DNAH2: variants seen among roughly 807,000 people sequenced by gnomAD.
The protein encoded by DNAH2 is axonemal beta dynein heavy chain 2.
In DNAH2, 323 loss-of-function variants were observed where a neutral mutation model predicts 523.5. The ratio of observed to expected loss-of-function variants is 0.62; its 90% confidence interval spans 0.56 to 0.68. The LOEUF (loss-of-function observed/expected upper bound fraction) is 0.68, where lower values mean the gene tolerates loss of function less well. Ranked by LOEUF, DNAH2 falls within the 30% of genes least tolerant of loss-of-function variation. The pLI, the probability that DNAH2 is intolerant of heterozygous loss-of-function variation, is 0.00. For synonymous variants in DNAH2, 2,093 were observed against 2,177.4 expected, an observed-to-expected ratio of 0.96 and a Z score of 1.08; for missense variants, 4,907 against 5,701.5, an observed-to-expected ratio of 0.86 and a Z score of 4.49.
chr17:7,810,977 C>T (rs190946644), intron 63 of DNAH2, among the ~76,000 whole-genome samples: 27 of 152,282 alleles, frequency 1.8e-4, no homozygotes, highest in African/African-American at 5.3e-4. Context: ...AAACCAGTGG[C>T]GTAGATAGGG....
intron 65 of DNAH2, 21 bp from the exon 66 acceptor site, chr17:7,817,540 A>T (rs872345): frequency 0.2 from 320,292 of 1,613,560 alleles, 33,390 homozygotes; most frequent in South Asian, 0.32. Context: ...AAGTTAAAGC[A>T]TGGGGCTTTT....
At chr17:7,737,009 G>C in intron 7 of DNAH2, 58 bp from the exon 8 acceptor site, 5 of 1,399,312 alleles carry the variant, frequency 3.6e-6, no homozygotes, top group Non-Finnish European at 5.0e-6. Flanking sequence ...AAAAGCACTT[G>C]TGTTGAATCA....
rs1453951691 is a variant in DNAH2 at position 7,754,497 on chromosome 17, C to T, written c.1905-2594C>T. The T allele has an allele frequency of 3.8e-6, 3 of 791,814 alleles. No homozygotes were observed. The highest frequency in any genetic ancestry group is 6.3e-6 in the Non-Finnish European group (3 of 479,280). 49.0% of individuals were successfully genotyped at this position (791,814 alleles called of 1,614,324 possible). On this transcript the variant is annotated intron_variant, in intron 12 of 85. Coordinates refer to ENST00000572933, the MANE Select transcript of DNAH2 (RefSeq NM_020877.5). The surrounding 1 kb of genome is among the most constrained non-coding windows in gnomAD (Gnocchi z 4.6). Reference sequence around the variant, plus strand: ...ACAAATCTCTTAAGGGGGTGGACTCCAAGTTCCTGAGGAACATGCGCTTTG... The same window carrying T: ...ACAAATCTCTTAAGGGGGTGGACTCTAAGTTCCTGAGGAACATGCGCTTTG...
chr17:7,818,499 G>A lies in DNAH2; in HGVS notation c.10536+39G>A, dbSNP rs375289316. 2.4e-5 allele frequency: 39 copies of A among 1,610,332 alleles called. No homozygotes were observed. In the African/African-American group the frequency reaches 3.5e-4, roughly 14 times the overall value. On this transcript the variant is annotated intron_variant, in intron 69 of 85. Transcript: ENST00000572933. ...GAGGTCCAGACTGAGCTAGGGTGAA[G>A]CAGGAAGAGTTTGGAAGGATTGAGA...
At position 7,739,800 on chromosome 17, in the gene DNAH2, T is replaced by C. The variant is rs1241789309; in HGVS notation, c.1238T>C (p.Phe413Ser). Residue 413 changes from phenylalanine to serine, a missense_variant, in exon 9 of 86, where the codon TTT becomes TCT. Coordinates refer to ENST00000572933, the MANE Select transcript of DNAH2 (RefSeq NM_020877.5). ...AAGCAGGGTCCCCTTCCTTGCTTCT[T>C]TGGTGCCCAGGGGCCACAGATAACA... ...DGKQGPLPCF[F>S]GAQGPQITRN... The C allele has an allele frequency of 6.2e-7, 1 of 1,614,040 alleles. No individual in the cohort carries two copies. The highest frequency in any genetic ancestry group is 2.2e-5 in the East Asian group (1 of 44,862).
intron 50 of DNAH2, 66 bp downstream of exon 50, chr17:7,796,718 A>G (rs1035907939): frequency 7.2e-6 from 11 of 1,534,586 alleles, no homozygotes; most frequent in Non-Finnish European, 1.8e-6. Context: ...TCTCTTCTCA[A>G]ACTAAGCCTT....
At chr17:7,748,104 G>T (rs1242880942) in intron 12 of DNAH2, among the ~76,000 whole-genome samples, 3 of 152,164 alleles carry the variant, frequency 2.0e-5, no homozygotes, top group African/African-American at 4.8e-5. Context: ...AAGGGGTTTT[G>T]GTATCCCACC....
At chr17:7,777,977 C>A in intron 33 of DNAH2, 100 bp from the exon 34 acceptor site, 2 of 1,128,282 alleles carry the variant, frequency 1.8e-6, no homozygotes, top group Non-Finnish European at 2.6e-6. Context: ...CCCTTCACTG[C>A]AGCCTCCCTG....
At position 7,759,592 on chromosome 17, in the gene DNAH2, G is replaced by T. The variant is rs1427723624; in HGVS notation, c.2619G>T (p.Leu873=). Reference sequence around the variant, plus strand: ...TCCTTGTCATTTTGAAGAATGATCTGCAAGGAAGTGTGGCACAGGTAAGAA... The same window carrying T: ...TCCTTGTCATTTTGAAGAATGATCTTCAAGGAAGTGTGGCACAGGTAAGAA... ...FQVLVILKND[L]QGSVAQVEFS... Residue 873 remains leucine (L), a synonymous_variant, in exon 16 of 86, where the codon CTG becomes CTT. Transcript: ENST00000572933. 4 of 1,613,896 alleles carry T rather than the reference G, an allele frequency of 2.5e-6. No homozygotes were observed. The highest frequency in any genetic ancestry group is 3.3e-5 in the Admixed American group (2 of 59,950).
At chr17:7,830,629 A>G in intron 78 of DNAH2, 29 bp from the exon 79 acceptor site, 2 of 1,612,218 alleles carry the variant, frequency 1.2e-6, no homozygotes, top group Non-Finnish European at 1.7e-6. Context: ...AACTCTGGGA[A>G]TGGGGGCTTG....
At chr17:7,771,255 C>T in intron 27 of DNAH2, 75 bp from the exon 28 acceptor site, 8 of 1,590,364 alleles carry the variant, frequency 5.0e-6, no homozygotes, top group Non-Finnish European at 6.0e-6. Context: ...CTGTCACCCA[C>T]AATCTGGGAA....
At chr17:7,753,334 C>T (rs1344754180) in intron 12 of DNAH2, among the ~76,000 whole-genome samples, 6 of 152,092 alleles carry the variant, frequency 3.9e-5, no homozygotes, top group African/African-American at 7.2e-5. Flanking sequence ...AGTTGCACAA[C>T]GAAGCCCAGA....
At chr17:7,772,795 C>T (rs11652091) in intron 28 of DNAH2, among the ~76,000 whole-genome samples, 35,096 of 151,844 alleles carry the variant, frequency 0.23, 4,510 homozygotes, top group East Asian at 0.39. Context: ...TTTTTTAAGA[C>T]GGAGTTTTGC....
At chr17:7,818,499 G>C (rs375289316) in intron 69 of DNAH2, 39 bp downstream of exon 69, 1 of 1,610,332 alleles carries the variant, frequency 6.2e-7, no homozygotes. Flanking sequence ...CTAGGGTGAA[G>C]CAGGAAGAGT....
At position 7,722,053 on chromosome 17, in the gene DNAH2, C is replaced by T. The variant is rs62062606; in HGVS notation, c.167-1575C>T. ...TTGCCCTGTCACCCAGGCTGGAGTG[C>T]AATGGCGTGATCTCGGCTCACTGCG... On this transcript the variant is annotated intron_variant, in intron 2 of 85. Transcript: ENST00000572933. Among the ~76,000 whole-genome samples the T allele has an allele frequency of 2.3e-3, 355 of 152,242 alleles. 2 individuals are homozygous for T. The highest frequency in any genetic ancestry group is 4.0e-3 in the Admixed American group (61 of 15,290).
Position 7,824,519 on chromosome 17 carries a change from C to T in DNAH2, c.11663-18C>T, listed in dbSNP as rs1045838811. ...GGCTTAGGAAATGATTCCCACTGACCCTGGCATCTCCTTGCAGGACACTGG... is the reference window on the plus strand; with the variant it reads ...GGCTTAGGAAATGATTCCCACTGACTCTGGCATCTCCTTGCAGGACACTGG... On this transcript the variant is annotated intron_variant, in intron 76 of 85. Coordinates refer to ENST00000572933, the MANE Select transcript of DNAH2 (RefSeq NM_020877.5). 3.9e-6 allele frequency: 6 copies of T among 1,524,964 alleles called. No homozygotes were observed. The highest frequency in any genetic ancestry group is 1.3e-5 in the South Asian group (1 of 79,704). The allele number at this position is 1,524,964 out of a possible 1,614,324, so 94.5% of individuals were successfully genotyped here.
rs1391365170 is a variant in DNAH2 at position 7,807,426 on chromosome 17, G to A, written c.9613-44G>A. ...GGGATGCCTGGAGGTGAGGGGGTTG[G>A]TGGGTTGGTGGGCGACTCCCACAGC... On this transcript the variant is annotated intron_variant, in intron 62 of 85. Coordinates refer to ENST00000572933, the MANE Select transcript of DNAH2 (RefSeq NM_020877.5). The surrounding 1 kb of genome is among the most constrained non-coding windows in gnomAD (Gnocchi z 5.6). 1 of 1,609,176 alleles carries A rather than the reference G, an allele frequency of 6.2e-7. No individual in the cohort carries two copies. The highest frequency in any genetic ancestry group is 8.5e-7 in the Non-Finnish European group (1 of 1,178,340).
At chr17:7,741,088 C>G (rs2075301139) in intron 11 of DNAH2, 96 bp downstream of exon 11, 8 of 1,450,422 alleles carry the variant, frequency 5.5e-6, no homozygotes, top group Non-Finnish European at 7.3e-6. Context: ...GTCTTCAGGA[C>G]CAGCACCTAT....
chr17:7,719,268 C>T (rs904194983), intron 1 of DNAH2, among the ~76,000 whole-genome samples: 2 of 152,002 alleles, frequency 1.3e-5, no homozygotes, highest in East Asian at 1.9e-4. Context: ...GCTGGAATTA[C>T]AGGCACGCAC....
Sources: allele counts gnomAD v4.1 joint callset (sites outside exome capture counted in the v4.1 genomes callset), GRCh38; gene constraint gnomAD v4.1.1; non-coding constraint Gnocchi (gnomAD v3.1); transcripts MANE v1.5; gene names NCBI Gene and HGNC (gene_info 2026-07-23, HGNC 2026-07-21).